FOXJ3: variants seen among roughly 807,000 people sequenced by gnomAD.
FOXJ3 encodes the protein forkhead box protein J3.
Under a neutral mutation model 76.1 loss-of-function variants are expected in FOXJ3, and 22 were observed. The observed-to-expected ratio is 0.29, with a 90% CI of 0.21 to 0.41. The LOEUF is 0.41. Among genes scored for constraint, FOXJ3 ranks in the 10% least tolerant of loss-of-function variants. The probability of loss-of-function intolerance (pLI) is 1.00; values close to 1 mark genes in which losing one functional copy is unlikely to be tolerated. For missense variants in FOXJ3, 613 were observed against 762.1 expected (o/e 0.80, Z 2.30); for synonymous variants, 269 against 261.2 (o/e 1.03, Z -0.29).
chr1:42,284,467 G>C (rs977174233), intron 2 of FOXJ3, among the ~76,000 whole-genome samples: 1 of 152,216 alleles, frequency 6.6e-6, no homozygotes, highest in Non-Finnish European at 1.5e-5. Flanking sequence ...AGAAGAGACA[G>C]AGAAAGTACA....
intron 3 of FOXJ3, among the ~76,000 whole-genome samples, chr1:42,275,631 C>G (rs1652203525): frequency 6.6e-6 from 1 of 152,076 alleles, no homozygotes; most frequent in African/African-American, 2.4e-5. Flanking sequence ...CACTGAACTC[C>G]AGCCAGGCTG....
At chr1:42,276,837 A>G (rs188671380) in intron 3 of FOXJ3, among the ~76,000 whole-genome samples, 18 of 152,354 alleles carry the variant, frequency 1.2e-4, no homozygotes, top group East Asian at 1.2e-3. Flanking sequence ...ACAAAAGGCC[A>G]TATCGGTATT....
At chr1:42,198,993 T>C in intron 7 of FOXJ3, 109 bp downstream of exon 7, 3 of 816,070 alleles carry the variant, frequency 3.7e-6, no homozygotes, top group Non-Finnish European at 5.8e-6. Context: ...ATAAATTTAT[T>C]AGTGAGAAAA....
chr1:42,325,380 C>T (rs781145193), intron 1 of FOXJ3, among the ~76,000 whole-genome samples: 1 of 152,120 alleles, frequency 6.6e-6, no homozygotes, highest in Non-Finnish European at 1.5e-5. Context: ...CCTTTCTAGT[C>T]GAAAAGAAGA....
At chr1:42,241,019 G>A (rs1649094695) in intron 4 of FOXJ3, among the ~76,000 whole-genome samples, 1 of 152,174 alleles carries the variant, frequency 6.6e-6, no homozygotes, top group Non-Finnish European at 1.5e-5. Flanking sequence ...GAAGTAACAG[G>A]AAACACCTGA....
At chr1:42,265,928 T>G (rs925634092) in intron 3 of FOXJ3, among the ~76,000 whole-genome samples, 6 of 152,080 alleles carry the variant, frequency 3.9e-5, no homozygotes, top group Non-Finnish European at 8.8e-5. Context: ...AAAAAGAAAT[T>G]TGTTCATGAA....
At chr1:42,229,967 C>A (rs1647933704) in intron 4 of FOXJ3, among the ~76,000 whole-genome samples, 1 of 152,162 alleles carries the variant, frequency 6.6e-6, no homozygotes, top group Non-Finnish European at 1.5e-5. Flanking sequence ...AATGTCCAAA[C>A]TTGACCCTGA....
At chr1:42,272,720 T>C (rs11210615) in intron 3 of FOXJ3, among the ~76,000 whole-genome samples, 3,579 of 152,296 alleles carry the variant, frequency 0.024, 144 homozygotes, top group African/African-American at 0.082. Context: ...CAGAATGGAT[T>C]TGGCATTTTT....
In FOXJ3 at chr1:42,216,245, G is replaced by A. The variant is rs1349068633; in HGVS notation, c.529-10382C>T. 3.9e-5 allele frequency among the ~76,000 whole-genome samples: 6 copies of A among 152,132 alleles called. No homozygotes were observed. In the South Asian group the frequency reaches 6.2e-4, roughly 16 times the overall value. ...ATATAAAAGACTACTGTTGCCGGGC[G>A]CGGTGGCTCACGCCTGTAATCCCAG... On this transcript the variant is annotated intron_variant, in intron 5 of 12. Coordinates refer to ENST00000361346, the MANE Select transcript of FOXJ3 (RefSeq NM_014947.5).
intron 5 of FOXJ3, among the ~76,000 whole-genome samples, chr1:42,206,525 A>G (rs1042106462): frequency 6.6e-6 from 1 of 152,180 alleles, no homozygotes; most frequent in African/African-American, 2.4e-5. Flanking sequence ...TGACCCACCC[A>G]TGAGTTTGGG....
rs117511669 is a variant in FOXJ3 at position 42,186,754 on chromosome 1, A to T, written c.1645+1983T>A. Among the ~76,000 whole-genome samples the T allele has an allele frequency of 1.6e-3, 246 of 152,302 alleles. 5 individuals are homozygous for T. The East Asian group carries it at 0.046, about 29-fold the overall frequency. On this transcript the variant is annotated intron_variant, in intron 11 of 12. Transcript: ENST00000361346. ...ACCAAGTTCCAAGACCAAAAGGTAC[A>T]CATAGACCTTTCTTACAGACTTAGG...
intron 4 of FOXJ3, among the ~76,000 whole-genome samples, chr1:42,247,572 A>G (rs1196893574): frequency 6.6e-6 from 1 of 152,240 alleles, no homozygotes; most frequent in African/African-American, 2.4e-5. Flanking sequence ...AATCAAAACC[A>G]TTACAAAATG....
chr1:42,258,350 G>C (rs1449387363), intron 4 of FOXJ3, among the ~76,000 whole-genome samples: 1 of 152,178 alleles, frequency 6.6e-6, no homozygotes, highest in African/African-American at 2.4e-5. Context: ...CACAGATCTA[G>C]AGCAACCATA....
chr1:42,280,438 TAAA>T (rs71065112), intron 2 of FOXJ3: 34 of 77,514 alleles, frequency 4.4e-4, no homozygotes, highest in Non-Finnish European at 4.4e-4. Flanking sequence ...TCAGAGATCT[TAAA>T]AAAAAAAAAA....
intron 5 of FOXJ3, among the ~76,000 whole-genome samples, chr1:42,224,076 A>T (rs1199833064): frequency 1.3e-5 from 2 of 152,248 alleles, no homozygotes; most frequent in African/African-American, 4.8e-5. Flanking sequence ...TTTGACTTTT[A>T]GCCTCTTACT....
At chr1:42,333,860 G>C (rs1054370649) in intron 1 of FOXJ3, among the ~76,000 whole-genome samples, 1 of 152,200 alleles carries the variant, frequency 6.6e-6, no homozygotes, top group Non-Finnish European at 1.5e-5. Context: ...GCTGCCTTGT[G>C]AGAAAAAGAG....
chr1:42,250,917 C>T (rs867952280), intron 4 of FOXJ3, among the ~76,000 whole-genome samples: 1 of 149,182 alleles, frequency 6.7e-6, no homozygotes, highest in Middle Eastern at 3.6e-3. Context: ...ACCTGAAGAA[C>T]AAAAAGATGA....
rs373611773 is a variant in FOXJ3 at position 42,255,893 on chromosome 1, A to T, written c.444+9222T>A. On this transcript the variant is annotated intron_variant, in intron 4 of 12. Coordinates refer to ENST00000361346, the MANE Select transcript of FOXJ3 (RefSeq NM_014947.5). ...AAAAATTAGCCAGGCATGGTGGCAC[A>T]TGCCTGTAGTCCCAGCTACTCGGGA... is the stretch of plus-strand genomic sequence containing the variant. Among the ~76,000 whole-genome samples, 104 of 152,268 alleles carry T rather than the reference A, an allele frequency of 6.8e-4. No homozygotes were observed. The South Asian group carries it at 0.021, about 31-fold the overall frequency.
chr1:42,187,636 GAATA>G (rs1438715189), intron 11 of FOXJ3, among the ~76,000 whole-genome samples: 2 of 152,098 alleles, frequency 1.3e-5, no homozygotes, highest in African/African-American at 4.8e-5. Context: ...GCTTAAAAAT[GAATA>G]TATATCAGAA....
Sources: allele counts gnomAD v4.1 joint callset (sites outside exome capture counted in the v4.1 genomes callset), GRCh38; gene constraint gnomAD v4.1.1; transcripts MANE v1.5; gene names NCBI Gene and HGNC (gene_info 2026-07-23, HGNC 2026-07-21).